Variants in SLC38A6 observed in about 807,000 individuals in gnomAD.
SLC38A6 encodes N system amino acid transporter NAT-1.
Under a neutral mutation model 65.0 loss-of-function variants are expected in SLC38A6, and 73 were observed. The observed-to-expected ratio is 1.12, with a 90% CI of 0.93 to 1.37. The LOEUF (loss-of-function observed/expected upper bound fraction) is 1.37. Among genes scored for constraint, SLC38A6 ranks in the 40% most tolerant of loss-of-function variants. The probability of loss-of-function intolerance (pLI) is 0.00; values close to 1 mark genes in which losing one functional copy is unlikely to be tolerated. For missense variants in SLC38A6, 561 were observed against 531.1 expected (o/e 1.06, Z -0.55); for synonymous variants, 183 against 178.8 (o/e 1.02, Z -0.19).
At chr14:61,000,523 C>A (rs1256119660) in intron 3 of SLC38A6, among the ~76,000 whole-genome samples, 1 of 152,098 alleles carries the variant, frequency 6.6e-6, no homozygotes, top group African/African-American at 2.4e-5. Flanking sequence ...CCCAGCTACT[C>A]GGGAGCCCGA....
intron 1 of SLC38A6, 63 bp from the exon 2 acceptor site, chr14:60,982,445 T>C (rs754137719): frequency 6.2e-5 from 98 of 1,575,764 alleles, no homozygotes; most frequent in Non-Finnish European, 7.7e-5. Flanking sequence ...TTATGGAATT[T>C]CTTTACGAAA....
At chr14:61,075,777 T>TTGTGTGTGTGTGTG (rs57421102) in intron 15 of SLC38A6, among the ~76,000 whole-genome samples, 1 of 123,302 alleles carries the variant, frequency 8.1e-6, no homozygotes, top group African/African-American at 3.0e-5. Flanking sequence ...ATCAACCTGT[T>TTGTGTGTGTGTGTG]TGTGTGTGTG....
intron 3 of SLC38A6, among the ~76,000 whole-genome samples, chr14:60,986,382 A>G (rs1355151492): frequency 1.3e-5 from 2 of 152,362 alleles, no homozygotes; most frequent in African/African-American, 4.8e-5. Context: ...AACTTGTACC[A>G]GTGCTTTGGC....
At chr14:61,016,591 GT>G (rs1253457247) in intron 4 of SLC38A6, among the ~76,000 whole-genome samples, 1 of 152,178 alleles carries the variant, frequency 6.6e-6, no homozygotes, top group Non-Finnish European at 1.5e-5. Context: ...TACTACACTA[GT>G]TTAATAGGTA....
chr14:61,048,506 A>C (rs2139840453), intron 12 of SLC38A6, among the ~76,000 whole-genome samples: 1 of 152,252 alleles, frequency 6.6e-6, no homozygotes, highest in African/African-American at 2.4e-5. Context: ...TCTATCCCTC[A>C]CATATGTTAT....
At chr14:60,994,486 G>A (rs962023885) in intron 3 of SLC38A6, among the ~76,000 whole-genome samples, 4 of 151,514 alleles carry the variant, frequency 2.6e-5, no homozygotes, top group Admixed American at 6.6e-5. Context: ...TGGAGGTTGC[G>A]GTGAGCTGAG....
intron 10 of SLC38A6, 49 bp downstream of exon 10, chr14:61,043,552 G>A (rs370277593): frequency 1.2e-5 from 17 of 1,400,194 alleles, no homozygotes; most frequent in Admixed American, 2.0e-5. Flanking sequence ...CACATTTCAA[G>A]TTTTAAGAGG....
downstream of SLC38A6, among the ~76,000 whole-genome samples, chr14:61,055,057 G>T (rs1219171524): frequency 8.4e-6 from 1 of 118,742 alleles, no homozygotes; most frequent in Non-Finnish European, 1.8e-5. Context: ...TTTGTTGAGA[G>T]TTTTTAACAT....
intron 15 of SLC38A6, among the ~76,000 whole-genome samples, chr14:61,061,083 TGCGTCGCTC>T (rs1201282689): frequency 6.6e-6 from 1 of 152,098 alleles, no homozygotes; most frequent in Non-Finnish European, 1.5e-5. Flanking sequence ...ACCCGTCTTC[TGCGTCGCTC>T]ACGCTGGGAG....
At chr14:61,035,610 C>T (rs772161536) in intron 6 of SLC38A6, among the ~76,000 whole-genome samples, 19 of 152,074 alleles carry the variant, frequency 1.2e-4, no homozygotes, top group African/African-American at 2.4e-4. Context: ...CTAATTGGCA[C>T]GATCACTAGC....
rs761875088 is a variant in SLC38A6 at position 61,051,956 on chromosome 14, C to G, written c.1195+25C>G. The G allele has an allele frequency of 3.1e-6, 5 of 1,604,138 alleles. No homozygotes were observed. The African/African-American group carries it at 6.7e-5, about 22-fold the overall frequency. ...GGTAAGTTTTCTGTTTCAAAAAGTT[C>G]ACATAATAAAATTGATAAAATTGCT... is the stretch of plus-strand genomic sequence containing the variant. On this transcript the variant is annotated intron_variant, in intron 14 of 15. Coordinates refer to ENST00000267488, the MANE Select transcript of SLC38A6 (RefSeq NM_153811.3).
At chr14:60,992,624 G>A (rs1203374787) in intron 3 of SLC38A6, among the ~76,000 whole-genome samples, 2 of 152,206 alleles carry the variant, frequency 1.3e-5, no homozygotes, top group African/African-American at 2.4e-5. Flanking sequence ...TTCATCTGGG[G>A]ACTGAGTGTG....
chr14:61,071,574 T>C (rs1361895427), intron 15 of SLC38A6, among the ~76,000 whole-genome samples: 1 of 151,812 alleles, frequency 6.6e-6, no homozygotes, highest in Non-Finnish European at 1.5e-5. Flanking sequence ...CCGAGCTACT[T>C]GCGAGGCTGA....
intron 8 of SLC38A6, among the ~76,000 whole-genome samples, chr14:61,041,522 T>C (rs759832875): frequency 2.6e-5 from 4 of 152,230 alleles, no homozygotes; most frequent in Non-Finnish European, 2.9e-5. Context: ...ATACAGAGTT[T>C]ATCTAGGTAC....
chr14:61,072,346 C>T (rs1380905600), intron 15 of SLC38A6, among the ~76,000 whole-genome samples: 1 of 152,070 alleles, frequency 6.6e-6, no homozygotes, highest in African/African-American at 2.4e-5. Context: ...AATGGGGTAT[C>T]CATCCCCTCA....
intron 3 of SLC38A6, among the ~76,000 whole-genome samples, chr14:61,015,293 G>GA (rs1202583764): frequency 6.6e-6 from 1 of 152,136 alleles, no homozygotes; most frequent in Non-Finnish European, 1.5e-5. Flanking sequence ...CCCTTTCTTT[G>GA]ACTAGGAAAG....
chr14:61,046,200 T>A, intron 12 of SLC38A6, 33 bp downstream of exon 12: 1 of 1,389,784 alleles, frequency 7.2e-7, no homozygotes, highest in Non-Finnish European at 1.0e-6. Flanking sequence ...GATGACAAAA[T>A]AATAGTTACA....
intron 15 of SLC38A6, chr14:61,078,699 A>G (rs2043518210): frequency 1.3e-5 from 2 of 152,718 alleles, no homozygotes; most frequent in African/African-American, 4.8e-5. Context: ...AAAATTCCTC[A>G]TGCCCTCAGA....
At chr14:61,010,704 A>G (rs1456734934) in intron 3 of SLC38A6, among the ~76,000 whole-genome samples, 1 of 152,112 alleles carries the variant, frequency 6.6e-6, no homozygotes, top group Admixed American at 6.6e-5. Context: ...GATATGCGAC[A>G]TTATTTCTGA....
Sources: allele counts gnomAD v4.1 joint callset (sites outside exome capture counted in the v4.1 genomes callset), GRCh38; gene constraint gnomAD v4.1.1; transcripts MANE v1.5; gene names NCBI Gene and HGNC (gene_info 2026-07-23, HGNC 2026-07-21).